Variants in TMTC1 observed in about 807,000 individuals in gnomAD.
TMTC1 encodes transmembrane O-mannosyltransferase targeting cadherins 1, also known as protein O-mannosyl-transferase TMTC1.
In TMTC1, 73 loss-of-function variants were observed where a neutral mutation model predicts 104.8. The ratio of observed to expected loss-of-function variants is 0.70; its 90% CI spans 0.58 to 0.85. The LOEUF is 0.85. TMTC1 is among the 40% of genes least tolerant of loss of function. The probability of loss-of-function intolerance (pLI) is 0.00; values close to 1 mark genes in which losing one functional copy is unlikely to be tolerated. For synonymous variants in TMTC1, 434 were observed against 428.7 expected (o/e 1.01, Z -0.15); for missense variants, 1,035 against 1,096.1 (o/e 0.94, Z 0.79).
At chr12:29,676,904 A>C (rs967005407) in intron 5 of TMTC1, among the ~76,000 whole-genome samples, 3 of 152,204 alleles carry the variant, frequency 2.0e-5, no homozygotes, top group Non-Finnish European at 4.4e-5. Context: ...GGCATGCCAC[A>C]GTGTGTGAAG....
At chr12:29,679,763 G>A (rs1290987177) in intron 5 of TMTC1, among the ~76,000 whole-genome samples, 6 of 152,088 alleles carry the variant, frequency 3.9e-5, no homozygotes, top group Admixed American at 3.3e-4. Context: ...TATAAGTAGA[G>A]GGATGAAACA....
intron 5 of TMTC1, among the ~76,000 whole-genome samples, chr12:29,727,348 G>A (rs1196279611): frequency 6.6e-6 from 1 of 151,700 alleles, no homozygotes; most frequent in Admixed American, 6.6e-5. Flanking sequence ...CCAAAACCCT[G>A]AAATGTATTT....
At chr12:29,728,641 G>T (rs1039271799) in intron 5 of TMTC1, among the ~76,000 whole-genome samples, 2 of 151,992 alleles carry the variant, frequency 1.3e-5, no homozygotes, top group East Asian at 3.9e-4. Context: ...CCTCATGACC[G>T]CTGAACCAGG....
At position 29,695,819 on chromosome 12, in the gene TMTC1, AT is replaced by A. The variant is rs1565775669; in HGVS notation, c.938+55846del. 2.4e-3 allele frequency among the ~76,000 whole-genome samples: 224 copies of A among 92,138 alleles called. 2 individuals carry two copies. The highest frequency in any genetic ancestry group is 8.3e-3 in the African/African-American group (209 of 25,330). 60.4% of individuals were successfully genotyped at this position (92,138 alleles called of 152,430 possible). A position where few individuals can be genotyped will look rare whatever the true frequency, so the allele number is the denominator to read the frequency against. ...TATATATATATATATATATATATAT[AT>A]ATATATATAACCTGTCTTCAACCTA... On this transcript the variant is annotated intron_variant, in intron 5 of 17. Coordinates refer to ENST00000539277, the MANE Select transcript of TMTC1 (RefSeq NM_001193451.2).
rs1414038826 is a variant in TMTC1, at chr12:29,543,620, G to GT, written c.1677-7304dup. On this transcript the variant is annotated intron_variant, in intron 10 of 17. Transcript: ENST00000539277. ...TTCCCAACAAATGAAAAAGATCATG[G>GT]TTTTTTTTGGCATACTGACTTTACC... Among the ~76,000 whole-genome samples, 13 of 151,814 alleles carry GT rather than the reference G, an allele frequency of 8.6e-5. No homozygotes were observed. The East Asian group carries it at 9.7e-4, about 11-fold the overall frequency.
At chr12:29,529,607 T>C (rs1343525123) in intron 11 of TMTC1, among the ~76,000 whole-genome samples, 1 of 152,186 alleles carries the variant, frequency 6.6e-6, no homozygotes, top group Non-Finnish European at 1.5e-5. Context: ...CAACGACTTC[T>C]CCAAGAAACT....
chr12:29,603,838 A>G (rs1946627993), intron 7 of TMTC1, among the ~76,000 whole-genome samples: 1 of 152,240 alleles, frequency 6.6e-6, no homozygotes, highest in Non-Finnish European at 1.5e-5. Flanking sequence ...AAGTCAAAAA[A>G]CATTTCTAGA....
At position 29,501,443 on chromosome 12, in the gene TMTC1, T is replaced by C. The variant is rs1268903516; in HGVS notation, c.*5403A>G. 6.6e-6 allele frequency: 1 copy of C among 152,148 alleles called. No homozygotes were observed. Among genetic ancestry groups the C allele is most frequent in the African/African-American group, 2.4e-5 (1 of 41,430 alleles). 9.4% of individuals were successfully genotyped at this position (152,148 alleles called of 1,614,324 possible). On this transcript the variant is annotated 3_prime_UTR_variant, in exon 18 of 18. Transcript: ENST00000539277. ...CGAGTCCTTTCATGGGTGGTAAACA[T>C]GACTGGGAGACAATGGCTAACTTGC...
chr12:29,649,900 T>C (rs372654528), intron 5 of TMTC1, among the ~76,000 whole-genome samples: 1 of 152,172 alleles, frequency 6.6e-6, no homozygotes, highest in South Asian at 2.1e-4. Context: ...ACCAGTTATT[T>C]ATTCAACAAT....
At chr12:29,563,947 G>A (rs1223846208) in intron 9 of TMTC1, among the ~76,000 whole-genome samples, 1 of 152,114 alleles carries the variant, frequency 6.6e-6, no homozygotes, top group East Asian at 1.9e-4. Context: ...CAAATGAGAG[G>A]CGCCTGAGAC....
chr12:29,550,143 T>C (rs942397889), intron 10 of TMTC1, among the ~76,000 whole-genome samples: 2 of 150,662 alleles, frequency 1.3e-5, no homozygotes, highest in African/African-American at 4.9e-5. Flanking sequence ...TTAAAAGAGG[T>C]GAGTATGATA....
intron 7 of TMTC1, among the ~76,000 whole-genome samples, chr12:29,596,296 T>C (rs1171222601): frequency 6.6e-6 from 1 of 152,202 alleles, no homozygotes; most frequent in South Asian, 2.1e-4. Flanking sequence ...TGTGACCCAC[T>C]GTGCCTGGCT....
At chr12:29,770,684 G>A (rs1943575197) in intron 1 of TMTC1, among the ~76,000 whole-genome samples, 1 of 152,136 alleles carries the variant, frequency 6.6e-6, no homozygotes. Context: ...TAACATTGGT[G>A]AATCTAAGCT....
chr12:29,718,871 T>C (rs1407146637), intron 5 of TMTC1, among the ~76,000 whole-genome samples: 2 of 145,232 alleles, frequency 1.4e-5, no homozygotes, highest in Admixed American at 1.4e-4. Flanking sequence ...AGGCGGAGCT[T>C]GCAGTGAGCT....
At chr12:29,523,836 A>T (rs967184810) in intron 11 of TMTC1, among the ~76,000 whole-genome samples, 2 of 151,990 alleles carry the variant, frequency 1.3e-5, no homozygotes, top group Admixed American at 1.3e-4. Flanking sequence ...AAAAAATTTT[A>T]ATTTGATTAT....
At chr12:29,557,295 G>A (rs1945270690) in intron 9 of TMTC1, among the ~76,000 whole-genome samples, 1 of 152,208 alleles carries the variant, frequency 6.6e-6, no homozygotes, top group Non-Finnish European at 1.5e-5. Flanking sequence ...CACTTCTTGT[G>A]ATAGAAAATC....
Position 29,517,438 on chromosome 12 carries a change from G to A in TMTC1, c.2158C>T (p.Arg720Cys), listed in dbSNP as rs1259146931. The A allele has an allele frequency of 1.2e-6, 2 of 1,614,046 alleles. No homozygotes were observed. Among genetic ancestry groups the A allele is most frequent in the East Asian group, 2.2e-5 (1 of 44,862 alleles). The change falls in exon 14 of 18, where the codon CGC (arginine) becomes TGC (cysteine). Residue 720 changes from arginine to cysteine, a missense_variant. Arg to Cys is a radical substitution (Grantham distance 180). Transcript: ENST00000539277. ...TTCATCCTACTCACCAGTGCCAAGC[G>A]GAGCTCCCTCTGAGAAGGCTGAAGT... ...AALQPSQREL[R>C]LALAQVLAVM...
intron 5 of TMTC1, among the ~76,000 whole-genome samples, chr12:29,643,766 CAT>C (rs376232659): frequency 0.051 from 364 of 7,202 alleles, 73 homozygotes; most frequent in East Asian, 0.39. Context: ...TTATAATACA[CAT>C]ATATTTATAT....
chr12:29,715,901 C>T (rs1243934453), intron 5 of TMTC1, among the ~76,000 whole-genome samples: 1 of 152,082 alleles, frequency 6.6e-6, no homozygotes, highest in Non-Finnish European at 1.5e-5. Context: ...AATTCATCAC[C>T]TTCCATTGGG....
Sources: gnomAD v4.1 joint callset for allele counts (sites outside exome capture counted in the v4.1 genomes callset) on GRCh38, gnomAD v4.1.1 for gene constraint, MANE v1.5 for transcripts, NCBI Gene and HGNC (gene_info 2026-07-23, HGNC 2026-07-21) for gene names.